The following DAB1 variants were observed in gnomAD, a reference collection of about 807,000 sequenced individuals.
DAB1 encodes the protein disabled homolog 1.
DAB1 carries 15 observed loss-of-function variants against 64.6 expected under a neutral mutation model. The observed-to-expected ratio is 0.23, with a 90% CI of 0.16 to 0.36. The LOEUF is 0.36. DAB1 is among the 10% of genes least tolerant of loss of function. The pLI is 1.00. For missense variants in DAB1, 596 were observed against 706.7 expected (o/e 0.84, Z 1.78); for synonymous variants, 235 against 251.9 (o/e 0.93, Z 0.64).
chr1:57,296,332 T>G (rs181056164), intron 1 of DAB1, among the ~76,000 whole-genome samples: 186 of 152,290 alleles, frequency 1.2e-3, no homozygotes, highest in African/African-American at 4.2e-3. Context: ...TGTGTTGATA[T>G]GCAACTATTT....
chr1:57,247,835 C>A (rs1669003946), intron 2 of DAB1, among the ~76,000 whole-genome samples: 1 of 152,204 alleles, frequency 6.6e-6, no homozygotes, highest in African/African-American at 2.4e-5. Context: ...GGCTGGAATG[C>A]AGACCAGCCC....
Position 57,332,005 on chromosome 1 carries a change from C to T in DAB1, c.-136-40839G>A, listed in dbSNP as rs573601705. ...TAAAGACGGAGTCTTGCTCTATTGC[C>T]CAGCCTAGCCGGAGTTAGTGCAATC... On this transcript the variant is annotated intron_variant, in intron 1 of 14. Coordinates refer to ENST00000371236, the MANE Select transcript of DAB1 (RefSeq NM_001365792.1). Among the ~76,000 whole-genome samples the T allele has an allele frequency of 7.2e-5, 11 of 152,254 alleles. No homozygotes were observed. In the South Asian group the frequency reaches 2.1e-3, roughly 29 times the overall value.
In DAB1 at chr1:58,136,013, G is replaced by C. The variant is rs929073087; in HGVS notation, n.387+14498C>G. On this transcript the variant is annotated intron_variant and non_coding_transcript_variant, in intron 5 of 20. Coordinates refer to the DAB1 transcript ENST00000485760. ...ATGCAGGAACATCAAGACCACCAGA[G>C]ACCAGTCACATTCACTCAGATCGCT... Among the ~76,000 whole-genome samples the C allele has an allele frequency of 3.3e-5, 5 of 152,136 alleles. No individual in the cohort carries two copies. In the East Asian group the frequency reaches 9.6e-4, roughly 29 times the overall value.
chr1:58,349,430 T>C (rs1275581271), intron 3 of DAB1, among the ~76,000 whole-genome samples: 1 of 125,742 alleles, frequency 8.0e-6, no homozygotes, highest in East Asian at 2.5e-4. Flanking sequence ...TTGACTTGGC[T>C]CCTTTTATTA....
intron 7 of DAB1, among the ~76,000 whole-genome samples, chr1:57,465,355 G>A (rs762774935): frequency 3.3e-5 from 5 of 152,126 alleles, no homozygotes; most frequent in Non-Finnish European, 7.3e-5. Context: ...ATTTTTCAGG[G>A]CAAAAACTTT....
chr1:58,134,956 T>A (rs188991230), intron 5 of DAB1, among the ~76,000 whole-genome samples: 147 of 152,268 alleles, frequency 9.7e-4, no homozygotes, highest in African/African-American at 3.2e-3. Flanking sequence ...ACCTGGTCTG[T>A]AAAGGTAGAC....
intron 4 of DAB1, among the ~76,000 whole-genome samples, chr1:58,258,300 GT>G (rs2100414290): frequency 6.6e-6 from 1 of 152,310 alleles, no homozygotes; most frequent in African/African-American, 2.4e-5. Context: ...CTGCTCAGTT[GT>G]TCGGTCCAAT....
intron 6 of DAB1, among the ~76,000 whole-genome samples, chr1:57,766,468 T>C (rs1282829891): frequency 2.0e-5 from 3 of 152,164 alleles, no homozygotes; most frequent in Non-Finnish European, 4.4e-5. Context: ...GGTCCCCCTC[T>C]GTCCCTCAAA....
At chr1:58,545,931 C>A (rs566426297) in intron 1 of DAB1, among the ~76,000 whole-genome samples, 1 of 152,184 alleles carries the variant, frequency 6.6e-6, no homozygotes, top group Non-Finnish European at 1.5e-5. Flanking sequence ...CCCCTTCACC[C>A]CGGCTGAGAA....
intron 4 of DAB1, among the ~76,000 whole-genome samples, chr1:58,283,878 T>C (rs992763336): frequency 2.6e-5 from 4 of 152,218 alleles, no homozygotes; most frequent in Non-Finnish European, 5.9e-5. Context: ...CTTTGTCATA[T>C]TGATTTGTCT....
chr1:58,061,162 T>C (rs1356783876), intron 5 of DAB1, among the ~76,000 whole-genome samples: 1 of 152,180 alleles, frequency 6.6e-6, no homozygotes, highest in Non-Finnish European at 1.5e-5. Context: ...TCAGAGAATA[T>C]GCAGTGACAA....
At chr1:58,302,392 G>A (rs1248231589) in intron 4 of DAB1, among the ~76,000 whole-genome samples, 1 of 152,098 alleles carries the variant, frequency 6.6e-6, no homozygotes, top group African/African-American at 2.4e-5. Context: ...AGAGAGAGAG[G>A]AGTAGAGGGT....
chr1:57,431,708 G>GA (rs1237478910), intron 7 of DAB1, among the ~76,000 whole-genome samples: 1 of 152,156 alleles, frequency 6.6e-6, no homozygotes, highest in Non-Finnish European at 1.5e-5. Context: ...AACAAAAGTG[G>GA]AGAGCTAAAG....
intron 9 of DAB1, among the ~76,000 whole-genome samples, chr1:57,053,045 T>G (rs1649347317): frequency 6.6e-6 from 1 of 152,176 alleles, no homozygotes; most frequent in Non-Finnish European, 1.5e-5. Context: ...TTGCAGAAAC[T>G]GCTTTCACAC....
At chr1:57,516,444 C>A (rs562374667) in intron 7 of DAB1, among the ~76,000 whole-genome samples, 112 of 152,298 alleles carry the variant, frequency 7.4e-4, no homozygotes, top group Middle Eastern at 3.4e-3. Flanking sequence ...TGTATTTACA[C>A]CCCCATAAGT....
At chr1:57,144,914 T>C (rs558650300) in intron 3 of DAB1, among the ~76,000 whole-genome samples, 35 of 152,244 alleles carry the variant, frequency 2.3e-4, no homozygotes, top group African/African-American at 7.9e-4. Context: ...TCTCTTACCA[T>C]ATGGCAAAAA....
Position 57,191,240 on chromosome 1 carries a change from A to T in DAB1, c.68-45811T>A, listed in dbSNP as rs1171484081. Among the ~76,000 whole-genome samples the T allele has an allele frequency of 2.0e-5, 3 of 152,170 alleles. No individual in the cohort carries two copies. In the East Asian group the frequency reaches 5.8e-4, roughly 29 times the overall value. ...TTTGTGATTTGTATTTCTTCAAGTT[A>T]TTATCCTCCTGGCCAAAGTTTCTTC... On this transcript the variant is annotated intron_variant, in intron 2 of 14. Transcript: ENST00000371236.
chr1:57,465,386 C>T (rs886428118), intron 7 of DAB1, among the ~76,000 whole-genome samples: 2 of 152,156 alleles, frequency 1.3e-5, no homozygotes, highest in Admixed American at 1.3e-4. Context: ...CCACCTTTGC[C>T]TTCTGTGGTA....
At chr1:57,299,571 A>T (rs1673464684) in intron 1 of DAB1, among the ~76,000 whole-genome samples, 1 of 150,952 alleles carries the variant, frequency 6.6e-6, no homozygotes, top group Non-Finnish European at 1.5e-5. Context: ...TATCTATAGC[A>T]CCATGAAAAT....
Sources: allele counts gnomAD v4.1 joint callset (sites outside exome capture counted in the v4.1 genomes callset), GRCh38; gene constraint gnomAD v4.1.1; transcripts MANE v1.5; gene names NCBI Gene and HGNC (gene_info 2026-07-23, HGNC 2026-07-21).